Variants in CLIC5 observed in about 807,000 individuals in gnomAD.
The protein encoded by CLIC5 is chloride intracellular channel protein 5.
Under a neutral mutation model 24.7 loss-of-function variants are expected in CLIC5, and 20 were observed. The ratio of observed to expected loss-of-function variants is 0.81; its 90% CI spans 0.57 to 1.18. The LOEUF (loss-of-function observed/expected upper bound fraction) is 1.18. CLIC5 is among the 50% of genes most tolerant of loss of function. The pLI is 0.00. For synonymous variants in CLIC5, 159 were observed against 135.6 expected, an observed-to-expected ratio of 1.17 and a Z score of -1.20; for missense variants, 341 against 326.1, an observed-to-expected ratio of 1.05 and a Z score of -0.35.
chr6:46,124,181 T>G, the CLIC5 span, among the ~76,000 whole-genome samples: 7 of 152,296 alleles, frequency 4.6e-5, no homozygotes, highest in Non-Finnish European at 7.4e-5. Context: ...GACTTCAAAC[T>G]AGACTACAAG....
At position 46,010,939 on chromosome 6, in the gene CLIC5, G is replaced by A. The variant is rs559831503; in HGVS notation, c.63+4541C>T. 2.6e-5 allele frequency among the ~76,000 whole-genome samples: 4 copies of A among 152,286 alleles called. No individual in the cohort carries two copies. In the East Asian group the frequency reaches 7.7e-4, roughly 29 times the overall value. ...TAGGCAAGCGGCCCAAGGTGACCAG[G>A]CAGTCACAGTAGCTCAGGGACATAG... is the stretch of plus-strand genomic sequence containing the variant. On this transcript the variant is annotated intron_variant, in intron 1 of 5. Coordinates refer to ENST00000339561, the MANE Select transcript of CLIC5 (RefSeq NM_016929.5).
chr6:46,050,649 T>A (rs1442938164), intron 1 of CLIC5, among the ~76,000 whole-genome samples: 1 of 152,206 alleles, frequency 6.6e-6, no homozygotes, highest in Non-Finnish European at 1.5e-5. Context: ...ATAAAAGTTG[T>A]TGCCAGGGAA....
chr6:46,079,598 A>T, intron 1 of CLIC5: 1 of 967,170 alleles, frequency 1.0e-6, no homozygotes, highest in South Asian at 1.7e-5. Context: ...ATTGAGATCC[A>T]AGGACCATGG....
intron 1 of CLIC5, among the ~76,000 whole-genome samples, chr6:46,029,877 C>T (rs1767450022): frequency 1.3e-5 from 2 of 152,290 alleles, no homozygotes; most frequent in South Asian, 2.1e-4. Flanking sequence ...TCCCCTGCTC[C>T]TGTTAGGGAT....
chr6:45,917,252 T>G (rs948138186), intron 4 of CLIC5, among the ~76,000 whole-genome samples: 1 of 152,174 alleles, frequency 6.6e-6, no homozygotes, highest in African/African-American at 2.4e-5. Context: ...TCCTTCACCC[T>G]GTTAAGACCA....
chr6:45,896,773 G>A (rs1762398662), downstream of CLIC5, among the ~76,000 whole-genome samples: 1 of 152,120 alleles, frequency 6.6e-6, no homozygotes, highest in Non-Finnish European at 1.5e-5. Flanking sequence ...GAACCGTTAA[G>A]GAAACCAAGA....
intron 4 of CLIC5, chr6:45,937,627 G>A (rs1373635317): frequency 6.6e-6 from 1 of 152,234 alleles, no homozygotes; most frequent in Non-Finnish European, 1.5e-5. Context: ...CCAGAACCTA[G>A]CACAGTACCT....
At chr6:46,016,851 C>A (rs1047532313), upstream of CLIC5, among the ~76,000 whole-genome samples, 2 of 152,188 alleles carry the variant, frequency 1.3e-5, no homozygotes, top group African/African-American at 2.4e-5. Flanking sequence ...TGGCTTCTTT[C>A]GCTCATTACT....
intron 1 of CLIC5, among the ~76,000 whole-genome samples, chr6:45,970,788 C>T (rs1008915447): frequency 6.6e-5 from 10 of 151,958 alleles, no homozygotes; most frequent in Non-Finnish European, 1.3e-4. Flanking sequence ...GATGAATGTG[C>T]CCTTGAGCAA....
intron 4 of CLIC5, among the ~76,000 whole-genome samples, chr6:45,931,912 G>A (rs534065352): frequency 2.0e-5 from 3 of 152,092 alleles, no homozygotes; most frequent in South Asian, 2.1e-4. Context: ...TGCCCACCTC[G>A]GCCTCCCAAA....
At chr6:45,930,261 C>T (rs551223416) in intron 4 of CLIC5, among the ~76,000 whole-genome samples, 2 of 152,310 alleles carry the variant, frequency 1.3e-5, no homozygotes, top group East Asian at 1.9e-4. Flanking sequence ...GCTCTGAATC[C>T]TTTCAAGCAC....
chr6:45,961,827 C>A (rs1018160601), intron 1 of CLIC5, among the ~76,000 whole-genome samples: 14 of 152,148 alleles, frequency 9.2e-5, no homozygotes, highest in Admixed American at 7.2e-4. Context: ...CTGGGGTCAC[C>A]CAGGCATTTT....
intron 4 of CLIC5, among the ~76,000 whole-genome samples, chr6:45,930,671 G>C (rs1190926048): frequency 6.6e-6 from 1 of 152,202 alleles, no homozygotes; most frequent in African/African-American, 2.4e-5. Context: ...CCAGTCCAAA[G>C]GGTGGACACT....
chr6:45,941,972 C>T (rs185033330), intron 3 of CLIC5, among the ~76,000 whole-genome samples: 1 of 152,184 alleles, frequency 6.6e-6, no homozygotes, highest in East Asian at 1.9e-4. Flanking sequence ...AGTGGGATGG[C>T]GCAATCAAAG....
At chr6:46,054,682 G>T (rs1044666429) in intron 1 of CLIC5, among the ~76,000 whole-genome samples, 9 of 152,184 alleles carry the variant, frequency 5.9e-5, no homozygotes, top group Non-Finnish European at 1.3e-4. Context: ...CATAGGGCGG[G>T]GGCCTGATCC....
chr6:45,948,616 T>C (rs1373535461), intron 3 of CLIC5, among the ~76,000 whole-genome samples: 7 of 152,204 alleles, frequency 4.6e-5, no homozygotes. Context: ...AATGAACAAG[T>C]CTAGCTTGGG....
chr6:46,094,607 T>C, the CLIC5 span, among the ~76,000 whole-genome samples: 21 of 152,300 alleles, frequency 1.4e-4, no homozygotes, highest in African/African-American at 4.8e-4. Flanking sequence ...ATTTCTCACA[T>C]CCAGGGAACA....
chr6:45,941,774 G>T, intron 3 of CLIC5, 121 bp from the exon 4 acceptor site: 1 of 804,666 alleles, frequency 1.2e-6, no homozygotes, highest in Non-Finnish European at 2.1e-6. Context: ...AATGTTTTGG[G>T]GGTCTTTATC....
chr6:45,895,033 A>C (rs925268082), downstream of CLIC5, among the ~76,000 whole-genome samples: 6 of 152,162 alleles, frequency 3.9e-5, no homozygotes, highest in African/African-American at 1.4e-4. Context: ...AAAAGTATTC[A>C]TATTTATATT....
Sources: gnomAD v4.1 joint callset for allele counts (sites outside exome capture counted in the v4.1 genomes callset) on GRCh38, gnomAD v4.1.1 for gene constraint, MANE v1.5 for transcripts, NCBI Gene and HGNC (gene_info 2026-07-23, HGNC 2026-07-21) for gene names.